The following AFDN variants were observed in gnomAD, a reference collection of about 807,000 sequenced individuals.
AFDN encodes the protein afadin.
AFDN carries 68 observed loss-of-function variants against 216.6 expected under a neutral mutation model. That is an observed-to-expected ratio of 0.31 (90% CI 0.26 to 0.38). The LOEUF is 0.38. AFDN is among the 10% of genes least tolerant of loss of function. AFDN has a pLI of 1.00. For synonymous variants in AFDN, 868 were observed against 853.7 expected, an observed-to-expected ratio of 1.02 and a Z score of -0.29; for missense variants, 2,136 against 2,342.0, an observed-to-expected ratio of 0.91 and a Z score of 1.82.
At position 167,875,357 on chromosome 6, in the gene AFDN, G is replaced by A; in HGVS notation, c.601G>A (p.Glu201Lys). 1 of 1,611,630 alleles carries A rather than the reference G, an allele frequency of 6.2e-7. No homozygotes were observed. The highest frequency in any genetic ancestry group is 2.2e-5 in the East Asian group (1 of 44,842). ...CAGTGAAAATTCTCGACTGGCTGCTGAGGTTTACAAAGACATGCCGGAAAC... is the reference window on the plus strand; with the variant it reads ...CAGTGAAAATTCTCGACTGGCTGCTAAGGTTTACAAAGACATGCCGGAAAC... ...EDVENSRLAA[E>K]VYKDMPETSF... Residue 201 changes from glutamate (E) to lysine (K), a missense_variant, in exon 5 of 34, where the codon GAG becomes AAG. Coordinates refer to ENST00000683244, the MANE Select transcript of AFDN (RefSeq NM_001386888.1).
chr6:167,929,927 C>T (rs1390885208), intron 23 of AFDN, among the ~76,000 whole-genome samples: 2 of 152,212 alleles, frequency 1.3e-5, no homozygotes, highest in South Asian at 2.1e-4. Flanking sequence ...CTTGGCCAGG[C>T]GCCATGGCTC....
chr6:167,871,317 T>C (rs1784770235), intron 3 of AFDN, among the ~76,000 whole-genome samples: 2 of 152,318 alleles, frequency 1.3e-5, no homozygotes, highest in Middle Eastern at 3.4e-3. Flanking sequence ...GTCCATTGTT[T>C]TGCTATACAT....
intron 2 of AFDN, 59 bp downstream of exon 2, chr6:167,864,805 T>C (rs1783986188): frequency 3.3e-6 from 5 of 1,531,658 alleles, no homozygotes; most frequent in Non-Finnish European, 4.5e-6. Flanking sequence ...AGAGACAGCT[T>C]GTCCAGGGTC....
intron 1 of AFDN, among the ~76,000 whole-genome samples, chr6:167,855,760 C>G (rs923091021): frequency 4.6e-5 from 7 of 152,096 alleles, no homozygotes; most frequent in African/African-American, 1.7e-4. Context: ...AGACAAGGGC[C>G]TGTATTATTT....
At chr6:167,832,295 TC>T (rs1779916347) in intron 1 of AFDN, among the ~76,000 whole-genome samples, 1 of 152,296 alleles carries the variant, frequency 6.6e-6, no homozygotes, top group African/African-American at 2.4e-5. Context: ...GGCTTCCAGT[TC>T]GTGTCTCTCT....
Position 167,911,422 on chromosome 6 carries a change from C to T in AFDN, c.1970C>T (p.Thr657Ile), listed in dbSNP as rs777125010. 1.9e-6 allele frequency: 3 copies of T among 1,614,148 alleles called. No homozygotes were observed. The South Asian group carries it at 3.3e-5, about 18-fold the overall frequency. The change falls in exon 15 of 34, where the codon ACA becomes ATA. Residue 657 changes from threonine to isoleucine, a missense_variant. Physicochemically the swap from Thr to Ile is moderately conservative, Grantham distance 89. Transcript: ENST00000683244. ...SNQYRPDISPTERTHKVIAVV... is the reference protein window; with the variant it reads ...SNQYRPDISPIERTHKVIAVV... Reference sequence around the variant, plus strand: ...CAGTACAGACCTGACATCAGCCCTACAGAGCGCACACATAAAGTCATTGCA... The same window carrying T: ...CAGTACAGACCTGACATCAGCCCTATAGAGCGCACACATAAAGTCATTGCA...
intron 27 of AFDN, among the ~76,000 whole-genome samples, chr6:167,947,319 A>G (rs540978714): frequency 2.0e-5 from 3 of 151,976 alleles, no homozygotes; most frequent in East Asian, 3.9e-4. Context: ...GGCTGGGACT[A>G]TGGGCGCCCA....
chr6:167,909,200 T>C (rs1307999428), intron 13 of AFDN, among the ~76,000 whole-genome samples: 2 of 152,102 alleles, frequency 1.3e-5, no homozygotes, highest in Non-Finnish European at 2.9e-5. Context: ...TTTCTTTTCC[T>C]TAATTGTTGA....
intron 1 of AFDN, among the ~76,000 whole-genome samples, chr6:167,837,384 CTTTT>C (rs544869303): frequency 9.7e-5 from 12 of 124,270 alleles, no homozygotes; most frequent in African/African-American, 3.5e-4. Context: ...GCTTTTCAGG[CTTTT>C]TTTTTTTTTT....
rs760027247 is a variant in AFDN, at chr6:167,827,173, C to G, written c.41C>G (p.Ala14Gly). ...GGRDEERRKLADIIHHWNANR... is the reference protein window; with the variant it reads ...GGRDEERRKLGDIIHHWNANR... ...CGTGACGAGGAGCGGCGGAAGCTGG[C>G]CGACATCATCCACCACTGGAACGCC... is the stretch of plus-strand genomic sequence containing the variant. Residue 14 changes from alanine (A) to glycine (G), a missense_variant, in exon 1 of 34, where the codon GCC becomes GGC. Ala to Gly is a moderately conservative substitution (Grantham distance 60, BLOSUM62 0). This residue lies in a region of AFDN where 81 missense variants were observed against 51.2 expected (regional missense o/e 1.58). Transcript: ENST00000683244. 1.2e-5 allele frequency: 16 copies of G among 1,304,398 alleles called. No homozygotes were observed. In the Admixed American group the frequency reaches 2.2e-4, roughly 18 times the overall value. 80.8% of individuals were successfully genotyped at this position (1,304,398 alleles called of 1,614,324 possible).
At chr6:167,903,250 C>T (rs1023539299) in intron 12 of AFDN, among the ~76,000 whole-genome samples, 3 of 152,236 alleles carry the variant, frequency 2.0e-5, no homozygotes, top group Admixed American at 2.0e-4. Flanking sequence ...TTTGAGCTCA[C>T]CTGGGCAGTT....
chr6:167,859,532 C>A (rs1783298114), intron 1 of AFDN, among the ~76,000 whole-genome samples: 1 of 152,052 alleles, frequency 6.6e-6, no homozygotes, highest in African/African-American at 2.4e-5. Flanking sequence ...TAAGTGCTAA[C>A]CATAGAAGAA....
At position 167,827,116 on chromosome 6, in the gene AFDN, G is replaced by C. The variant is rs1205810024; in HGVS notation, c.-17G>C. Reference sequence around the variant, plus strand: ...CCGGCCCCGGCCCCGCGCGGCTGAGGAGGCGCGGCCAGGACCATGTCGGCG... The same window carrying C: ...CCGGCCCCGGCCCCGCGCGGCTGAGCAGGCGCGGCCAGGACCATGTCGGCG... On this transcript the variant is annotated 5_prime_UTR_variant, in exon 1 of 34. Coordinates refer to ENST00000683244, the MANE Select transcript of AFDN (RefSeq NM_001386888.1). 6 of 1,240,034 alleles carry C rather than the reference G, an allele frequency of 4.8e-6. No individual in the cohort carries two copies. Among genetic ancestry groups the C allele is most frequent in the Non-Finnish European group, 4.2e-6 (4 of 960,172 alleles). 76.8% of individuals were successfully genotyped at this position (1,240,034 alleles called of 1,614,324 possible).
intron 23 of AFDN, among the ~76,000 whole-genome samples, chr6:167,929,028 G>A (rs1473393596): frequency 2.0e-5 from 3 of 152,180 alleles, no homozygotes; most frequent in South Asian, 2.1e-4. Flanking sequence ...ACTGGCTTCC[G>A]TGAGTCTAAT....
intron 30 of AFDN, among the ~76,000 whole-genome samples, chr6:167,956,376 T>C (rs1256212952): frequency 6.6e-6 from 1 of 152,040 alleles, no homozygotes; most frequent in Non-Finnish European, 1.5e-5. Context: ...TTTCATAAAG[T>C]TGGGAGGCTG....
chr6:167,900,019 G>A (rs930669172), intron 11 of AFDN, among the ~76,000 whole-genome samples: 5 of 152,166 alleles, frequency 3.3e-5, no homozygotes, highest in African/African-American at 1.2e-4. Flanking sequence ...GCCTGCAGAT[G>A]TCTCTTCCTA....
chr6:167,958,092 AAT>A (rs970894617), intron 30 of AFDN, among the ~76,000 whole-genome samples: 1 of 152,188 alleles, frequency 6.6e-6, no homozygotes, highest in Non-Finnish European at 1.5e-5. Context: ...ACAAGTAGAA[AAT>A]TCCACACCTG....
At chr6:167,889,001 T>G (rs865836748) in intron 6 of AFDN, among the ~76,000 whole-genome samples, 27 of 152,212 alleles carry the variant, frequency 1.8e-4, no homozygotes, top group African/African-American at 6.0e-4. Context: ...ACCAGGTGAT[T>G]AAAAGCAGCC....
At chr6:167,957,329 C>T (rs182950136) in intron 30 of AFDN, among the ~76,000 whole-genome samples, 1 of 152,324 alleles carries the variant, frequency 6.6e-6, no homozygotes, top group African/African-American at 2.4e-5. Flanking sequence ...GGTAGCGCCA[C>T]CTCCATGGGA....
Sources: gnomAD v4.1 joint callset for allele counts (sites outside exome capture counted in the v4.1 genomes callset) on GRCh38, gnomAD v4.1.1 for gene constraint, gnomAD v4.1.1 regional missense constraint, MANE v1.5 for transcripts, NCBI Gene and HGNC (gene_info 2026-07-23, HGNC 2026-07-21) for gene names.